RBFOX1: variants seen among roughly 807,000 people sequenced by gnomAD.
RBFOX1 encodes RNA binding fox-1 homolog 1.
In RBFOX1, 8 loss-of-function variants were observed where a neutral mutation model predicts 57.7. The observed-to-expected ratio is 0.14, with a 90% CI of 0.08 to 0.25. The LOEUF is 0.25. Ranked by LOEUF, RBFOX1 falls within the 10% of genes least tolerant of loss-of-function variation. The pLI, the probability that RBFOX1 is intolerant of heterozygous loss-of-function variation, is 1.00. For missense variants in RBFOX1, 611 were observed against 548.5 expected (o/e 1.11, Z -1.14); for synonymous variants, 326 against 222.4 (o/e 1.47, Z -4.15).
At chr16:6,943,106 A>G (rs566250010) in intron 3 of RBFOX1, among the ~76,000 whole-genome samples, 1 of 152,274 alleles carries the variant, frequency 6.6e-6, no homozygotes, top group South Asian at 2.1e-4. Context: ...GGAGGGAGCC[A>G]ATCTGGGTAT....
rs181817948 is a variant in RBFOX1, at chr16:7,505,934, C to G, written c.28-12213C>G. On this transcript the variant is annotated intron_variant, in intron 4 of 15. Transcript: ENST00000550418. Reference sequence around the variant, plus strand: ...GGTGCAGTGGCTCATGCCTGTAATCCGAGCACTTTGGGAGGCTGAGGTGAG... The same window carrying G: ...GGTGCAGTGGCTCATGCCTGTAATCGGAGCACTTTGGGAGGCTGAGGTGAG... Among the ~76,000 whole-genome samples the G allele has an allele frequency of 2.6e-4, 39 of 152,094 alleles. No homozygotes were observed. In the East Asian group the frequency reaches 6.4e-3, roughly 25 times the overall value.
chr16:5,465,060 T>C (rs1430291742), intron 1 of RBFOX1, among the ~76,000 whole-genome samples: 2 of 152,154 alleles, frequency 1.3e-5, no homozygotes, highest in African/African-American at 4.8e-5. Flanking sequence ...AAAAGCCATA[T>C]CTGCCTGGGT....
At chr16:6,229,263 C>A (rs2097440211) in intron 1 of RBFOX1, among the ~76,000 whole-genome samples, 1 of 152,194 alleles carries the variant, frequency 6.6e-6, no homozygotes, top group African/African-American at 2.4e-5. Context: ...AAGCAAACCT[C>A]TTTCTCCAAG....
At chr16:5,327,192 G>T (rs1215644652) in intron 1 of RBFOX1, among the ~76,000 whole-genome samples, 10 of 152,188 alleles carry the variant, frequency 6.6e-5, no homozygotes, top group Admixed American at 6.5e-4. Flanking sequence ...AATTTGGTGT[G>T]TAGATCCCCT....
intron 1 of RBFOX1, among the ~76,000 whole-genome samples, chr16:6,056,045 G>T (rs1412450508): frequency 6.6e-6 from 1 of 152,124 alleles, no homozygotes; most frequent in East Asian, 1.9e-4. Flanking sequence ...GGGTTCTTGG[G>T]GTGGGATAGA....
chr16:5,582,898 G>A (rs1381475807), intron 2 of RBFOX1, among the ~76,000 whole-genome samples: 2 of 152,058 alleles, frequency 1.3e-5, no homozygotes, highest in Non-Finnish European at 2.9e-5. Flanking sequence ...ACCCTCTGTG[G>A]GCCTGGTTTG....
intron 4 of RBFOX1, among the ~76,000 whole-genome samples, chr16:5,883,659 G>C (rs1339520384): frequency 6.6e-6 from 1 of 152,084 alleles, no homozygotes; most frequent in Non-Finnish European, 1.5e-5. Flanking sequence ...AATAAGCCTG[G>C]TGTCTTCAGC....
At chr16:6,862,829 A>T (rs549979053) in intron 3 of RBFOX1, among the ~76,000 whole-genome samples, 2 of 152,202 alleles carry the variant, frequency 1.3e-5, no homozygotes, top group Middle Eastern at 3.4e-3. Context: ...TACTAAAAAT[A>T]CAAAAATTAG....
intron 11 of RBFOX1, among the ~76,000 whole-genome samples, chr16:7,645,970 G>A (rs764325311): frequency 5.5e-5 from 8 of 145,902 alleles, no homozygotes; most frequent in Admixed American, 6.8e-5. Context: ...TTTTTTCTGC[G>A]AAACTCTGAA....
At chr16:5,980,033 G>A (rs2152309205) in intron 4 of RBFOX1, among the ~76,000 whole-genome samples, 1 of 152,294 alleles carries the variant, frequency 6.6e-6, no homozygotes, top group East Asian at 1.9e-4. Flanking sequence ...TGATCCAAGG[G>A]TTCCTGAAAA....
At chr16:5,897,292 C>T (rs996098650) in intron 4 of RBFOX1, among the ~76,000 whole-genome samples, 1 of 152,084 alleles carries the variant, frequency 6.6e-6, no homozygotes, top group African/African-American at 2.4e-5. Context: ...GCCTCGGCCT[C>T]CCAAAGTGCT....
chr16:6,501,038 C>T (rs940431049), intron 2 of RBFOX1, among the ~76,000 whole-genome samples: 2 of 151,538 alleles, frequency 1.3e-5, no homozygotes, highest in African/African-American at 4.9e-5. Flanking sequence ...AGGATGGTCT[C>T]ACTGCCCATG....
intron 3 of RBFOX1, among the ~76,000 whole-genome samples, chr16:6,782,166 C>A (rs1367022899): frequency 6.6e-6 from 1 of 152,120 alleles, no homozygotes; most frequent in Non-Finnish European, 1.5e-5. Context: ...ACCACCACAC[C>A]CAGCTAATTG....
chr16:7,104,560 G>T (rs568966465), intron 4 of RBFOX1, among the ~76,000 whole-genome samples: 3 of 152,246 alleles, frequency 2.0e-5, no homozygotes, highest in African/African-American at 7.2e-5. Flanking sequence ...TTATGATAAA[G>T]GTGGGCTGAA....
At chr16:6,891,369 C>G (rs149767797) in intron 3 of RBFOX1, among the ~76,000 whole-genome samples, 1 of 152,236 alleles carries the variant, frequency 6.6e-6, no homozygotes, top group East Asian at 1.9e-4. Flanking sequence ...GATACAGACA[C>G]TAAATTTGGG....
At chr16:5,277,119 C>G (rs538369795) in intron 1 of RBFOX1, among the ~76,000 whole-genome samples, 6 of 152,156 alleles carry the variant, frequency 3.9e-5, no homozygotes, top group Middle Eastern at 3.4e-3. Flanking sequence ...TAGAATACTA[C>G]TTAGCCTTAA....
chr16:5,396,938 C>T (rs1383032321), intron 1 of RBFOX1, among the ~76,000 whole-genome samples: 3 of 152,214 alleles, frequency 2.0e-5, no homozygotes, highest in Admixed American at 6.5e-5. Context: ...TCCTATCAGA[C>T]ACCCCTGGAT....
intron 3 of RBFOX1, among the ~76,000 whole-genome samples, chr16:5,752,021 T>TTCC (rs2053226196): frequency 6.6e-6 from 1 of 152,102 alleles, no homozygotes; most frequent in Non-Finnish European, 1.5e-5. Flanking sequence ...ATGGAGTAAA[T>TTCC]CTAAATTCCC....
intron 2 of RBFOX1, among the ~76,000 whole-genome samples, chr16:6,358,736 C>G (rs1217669986): frequency 6.6e-6 from 1 of 152,158 alleles, no homozygotes; most frequent in Admixed American, 6.6e-5. Flanking sequence ...GAGTTTGGAA[C>G]AGGGTTTACA....
Sources: gnomAD v4.1 joint callset for allele counts (sites outside exome capture counted in the v4.1 genomes callset) on GRCh38, gnomAD v4.1.1 for gene constraint, MANE v1.5 for transcripts, NCBI Gene and HGNC (gene_info 2026-07-23, HGNC 2026-07-21) for gene names.